Variants in PALB2 observed in about 807,000 individuals in gnomAD.
The protein encoded by PALB2 is partner and localizer of BRCA2, also known as mutant partner and localizer of BRCA2.
In PALB2, 82 loss-of-function variants were observed where a neutral mutation model predicts 107.4. That is an observed-to-expected ratio of 0.76 (90% confidence interval 0.64 to 0.92). PALB2 has a LOEUF of 0.92. PALB2 is among the 40% of genes least tolerant of loss of function. The probability of loss-of-function intolerance (pLI) is 0.00; values close to 1 mark genes in which losing one functional copy is unlikely to be tolerated. For synonymous variants in PALB2, 489 were observed against 496.8 expected (o/e 0.98, Z 0.21); for missense variants, 1,374 against 1,379.9 (o/e 1.00, Z 0.07).
intron 10 of PALB2, among the ~76,000 whole-genome samples, chr16:23,618,228 G>C (rs1156497824): frequency 6.6e-6 from 1 of 152,184 alleles, no homozygotes; most frequent in Non-Finnish European, 1.5e-5. Context: ...GAGCCCAGAA[G>C]TTTGAGGTTG....
At position 23,641,165 on chromosome 16, in the gene PALB2, G is replaced by C; in HGVS notation, c.-8C>G. 6.2e-7 allele frequency: 1 copy of C among 1,612,490 alleles called. No homozygotes were observed. Among genetic ancestry groups the C allele is most frequent in the East Asian group, 2.2e-5 (1 of 44,856 alleles). Reference sequence around the variant, plus strand: ...CCCGGGAGGCTCGTCCATCGGGCAGGCGACAGAACGAAAAGAGCAGCCGTC... The same window carrying C: ...CCCGGGAGGCTCGTCCATCGGGCAGCCGACAGAACGAAAAGAGCAGCCGTC... On this transcript the variant is annotated 5_prime_UTR_variant, in exon 1 of 13. Transcript: ENST00000261584.
At chr16:23,604,222 A>G (rs892681833) in intron 12 of PALB2, among the ~76,000 whole-genome samples, 1 of 152,196 alleles carries the variant, frequency 6.6e-6, no homozygotes, top group Non-Finnish European at 1.5e-5. Context: ...AAAAGATGCC[A>G]TCTATGAAGC....
In PALB2 at chr16:23,629,851, C is replaced by T. The variant is rs1060502770; in HGVS notation, c.2303G>A (p.Cys768Tyr). 1.9e-6 allele frequency: 3 copies of T among 1,614,182 alleles called. No homozygotes were observed. The highest frequency in any genetic ancestry group is 1.7e-6 in the Non-Finnish European group (2 of 1,180,046). ...PQLAHLKDSVCLASDTKQFDS... is the reference protein window; with the variant it reads ...PQLAHLKDSVYLASDTKQFDS... ...GAATTGTTTAGTATCACTGGCAAGA[C>T]AGACTGAGTCTTTCAAATGAGCAAG... Residue 768 changes from cysteine (C) to tyrosine (Y), a missense_variant, in exon 5 of 13, where the codon TGT becomes TAT. Coordinates refer to ENST00000261584, the MANE Select transcript of PALB2 (RefSeq NM_024675.4).
intron 11 of PALB2, among the ~76,000 whole-genome samples, chr16:23,613,018 G>GTA (rs1567209368): frequency 7.0e-6 from 1 of 142,252 alleles, no homozygotes; most frequent in Non-Finnish European, 1.5e-5. Context: ...CTCCCAAAGC[G>GTA]TTTTTTTTTT....
At chr16:23,610,832 T>G (rs1966571970) in intron 11 of PALB2, among the ~76,000 whole-genome samples, 1 of 151,444 alleles carries the variant, frequency 6.6e-6, no homozygotes, top group Admixed American at 6.6e-5. Flanking sequence ...AGTCAGGAGC[T>G]CAAGACCAGC....
chr16:23,607,937 T>C lies in PALB2; in HGVS notation c.3277A>G (p.Ile1093Val), dbSNP rs1597066812. ...ESLRSPVFQL[I>V]VINPKTTLSV... is the part of the protein sequence containing the mutation. ...AGAGTCGTCTTAGGGTTAATCACAA[T>C]GAGCTGAAACACAGGGCTTCGCAAC... Residue 1093 changes from isoleucine (I) to valine (V), a missense_variant, in exon 12 of 13, where the codon ATT becomes GTT. Physicochemically the swap from Ile to Val is conservative, Grantham distance 29 (BLOSUM62 3). Transcript: ENST00000261584. The C allele has an allele frequency of 1.9e-6, 3 of 1,614,064 alleles. No homozygotes were observed. Among genetic ancestry groups the C allele is most frequent in the Non-Finnish European group, 2.5e-6 (3 of 1,179,988 alleles).
chr16:23,620,844 G>A (rs1441035056), intron 10 of PALB2, among the ~76,000 whole-genome samples: 2 of 152,140 alleles, frequency 1.3e-5, no homozygotes, highest in African/African-American at 4.8e-5. Flanking sequence ...AGGCCAAGGC[G>A]GGCAGTTCAC....
intron 12 of PALB2, chr16:23,607,465 ATAT>A: frequency 7.6e-6 from 2 of 262,230 alleles, no homozygotes; most frequent in Non-Finnish European, 1.5e-5. Flanking sequence ...ATATATATAT[ATAT>A]TTTTTTTGGT....
At chr16:23,609,788 T>A (rs887612859) in intron 11 of PALB2, among the ~76,000 whole-genome samples, 1 of 152,144 alleles carries the variant, frequency 6.6e-6, no homozygotes, top group Non-Finnish European at 1.5e-5. Context: ...AGTGCTGGGA[T>A]TACAGGCGTG....
At chr16:23,617,456 A>G (rs1489635066) in intron 10 of PALB2, 2 of 151,976 alleles carry the variant, frequency 1.3e-5, no homozygotes, top group Non-Finnish European at 2.9e-5. Context: ...GCGGCAGCTT[A>G]TGTCTACAAT....
At chr16:23,631,255 G>GGGC (rs1470697330) in intron 4 of PALB2, among the ~76,000 whole-genome samples, 6 of 143,492 alleles carry the variant, frequency 4.2e-5, no homozygotes, top group African/African-American at 1.6e-4. Context: ...ACTCCAGCCT[G>GGGC]GGCGACAGAG....
chr16:23,638,630 T>C (rs1163864820), intron 1 of PALB2: 3 of 439,368 alleles, frequency 6.8e-6, no homozygotes, highest in Admixed American at 5.2e-5. Flanking sequence ...TGTCAATTAG[T>C]GCTCCAGATG....
rs139903695 is a variant in PALB2 at position 23,621,749 on chromosome 16, C to A, written c.2997-271G>T. Among the ~76,000 whole-genome samples, 88 of 152,278 alleles carry A rather than the reference C, an allele frequency of 5.8e-4. No individual in the cohort carries two copies. In the East Asian group the frequency reaches 9.3e-3, roughly 16 times the overall value. On this transcript the variant is annotated intron_variant, in intron 9 of 12. Transcript: ENST00000261584. ...TAAACCTTTTGTTTCTTTCTGCATT[C>A]CTATCTCAATGAATTGCATCACCAT... is the stretch of plus-strand genomic sequence containing the variant.
At chr16:23,638,155 A>C (rs2142461591) in intron 1 of PALB2, 26 bp from the exon 2 acceptor site, 1 of 1,594,522 alleles carries the variant, frequency 6.3e-7, no homozygotes, top group Non-Finnish European at 8.6e-7. Context: ...CACCAACAAT[A>C]CTGGGCAAGT....
chr16:23,624,066 G>A lies in PALB2; in HGVS notation c.2777C>T (p.Pro926Leu), dbSNP rs1555459732. ...EVPVLQIVPV[P>L]DVYNLVCVAL... ...TACACACACGAGATTATACACATCA[G>A]GCACTGGAACTATCTGTAATACTGG... The change falls in exon 8 of 13, where the codon CCT becomes CTT. Residue 926 changes from proline (P) to leucine (L), a missense_variant. Pro to Leu is a moderately conservative substitution (Grantham distance 98). Transcript: ENST00000261584. 3 of 1,607,926 alleles carry A rather than the reference G, an allele frequency of 1.9e-6. No individual in the cohort carries two copies. Among genetic ancestry groups the A allele is most frequent in the Non-Finnish European group, 2.6e-6 (3 of 1,174,646 alleles).
chr16:23,618,919 G>A (rs1325384454), intron 10 of PALB2, among the ~76,000 whole-genome samples: 7 of 152,188 alleles, frequency 4.6e-5, no homozygotes, highest in African/African-American at 1.7e-4. Context: ...TCTGAAAGCA[G>A]GGTCTTCTGG....
At chr16:23,626,141 T>A (rs1372751452) in intron 7 of PALB2, 95 bp downstream of exon 7, 6 of 1,396,532 alleles carry the variant, frequency 4.3e-6, no homozygotes, top group Non-Finnish European at 6.1e-6. Flanking sequence ...TGTTCTGCCT[T>A]GCATGGTCAT....
At chr16:23,631,193 T>C (rs866485317) in intron 4 of PALB2, among the ~76,000 whole-genome samples, 19 of 132,660 alleles carry the variant, frequency 1.4e-4, no homozygotes, top group Admixed American at 6.3e-4. Context: ...GGTGGGAGAA[T>C]GGCGTGAACC....
At chr16:23,626,123 C>A (rs1321717207) in intron 7 of PALB2, 113 bp downstream of exon 7, 1 of 1,240,820 alleles carries the variant, frequency 8.1e-7, no homozygotes, top group Non-Finnish European at 1.2e-6. Context: ...GGAAAAAAAC[C>A]TCATCTCTGT....
Sources: gnomAD v4.1 joint callset for allele counts (sites outside exome capture counted in the v4.1 genomes callset) on GRCh38, gnomAD v4.1.1 for gene constraint, MANE v1.5 for transcripts, NCBI Gene and HGNC (gene_info 2026-07-23, HGNC 2026-07-21) for gene names.